The following FRMPD4 variants were observed in gnomAD, a reference collection of about 807,000 sequenced individuals.
FRMPD4 encodes the protein FERM and PDZ domain containing 4, also known as FERM and PDZ domain-containing protein 4.
Under a neutral mutation model 94.1 loss-of-function variants are expected in FRMPD4, and 22 were observed. That is an observed-to-expected ratio of 0.23 (90% confidence interval 0.17 to 0.33). The LOEUF is 0.33. FRMPD4 is among the 10% of genes least tolerant of loss of function. The pLI is 1.00. For missense variants in FRMPD4, 1,111 were observed against 1,339.9 expected (o/e 0.83, Z 2.67); for synonymous variants, 631 against 548.6 (o/e 1.15, Z -2.10).
At chrX:12,594,084 C>A (rs1298282717) in intron 2 of FRMPD4, among the ~76,000 whole-genome samples, 1 of 110,074 alleles carries the variant, frequency 9.1e-6, no homozygotes, top group Non-Finnish European at 1.9e-5. Flanking sequence ...TCTACAAGTT[C>A]TTTATTGTGT....
intron 3 of FRMPD4, among the ~76,000 whole-genome samples, chrX:12,014,277 G>A (rs187434126): frequency 1.8e-5 from 2 of 112,200 alleles, no homozygotes; most frequent in African/African-American, 6.5e-5. Flanking sequence ...AAACAAGAGA[G>A]AAGACAACTG....
intron 1 of FRMPD4, among the ~76,000 whole-genome samples, chrX:12,321,695 T>G (rs898196673): frequency 8.9e-6 from 1 of 112,097 alleles, no homozygotes; most frequent in African/African-American, 3.2e-5. Flanking sequence ...AATTAAGATT[T>G]TATCATTACC....
chrX:12,481,942 CAAAAAAA>C (rs56366427), intron 1 of FRMPD4, among the ~76,000 whole-genome samples: 20 of 11,581 alleles, frequency 1.7e-3, no homozygotes, highest in South Asian at 0.022. Context: ...GACTACATCT[CAAAAAAA>C]AAAAAAAAAA....
intron 3 of FRMPD4, among the ~76,000 whole-genome samples, chrX:12,123,708 A>G (rs144813468): frequency 0.03 from 3,370 of 111,540 alleles, 62 homozygotes; most frequent in African/African-American, 0.06. Flanking sequence ...TACCAATTAG[A>G]GTCCAGTAGC....
chrX:12,048,154 C>T (rs1003204411), intron 3 of FRMPD4, among the ~76,000 whole-genome samples: 1 of 112,616 alleles, frequency 8.9e-6, no homozygotes, highest in Non-Finnish European at 1.9e-5. Flanking sequence ...ACAGCCTCAC[C>T]AGCATCTGTT....
At chrX:12,108,453 C>A (rs1489270941) in intron 3 of FRMPD4, among the ~76,000 whole-genome samples, 1 of 112,274 alleles carries the variant, frequency 8.9e-6, no homozygotes, top group East Asian at 2.8e-4. Flanking sequence ...CAACCAGTAC[C>A]AGCCACTGCA....
intron 1 of FRMPD4, among the ~76,000 whole-genome samples, chrX:12,299,936 T>C (rs1402855122): frequency 3.6e-5 from 4 of 112,190 alleles, no homozygotes; most frequent in Non-Finnish European, 7.5e-5. Flanking sequence ...ATAATCAAGA[T>C]AGACCTGGAA....
intron 3 of FRMPD4, among the ~76,000 whole-genome samples, chrX:12,043,213 A>G (rs1282139897): frequency 1.8e-5 from 2 of 111,946 alleles, no homozygotes; most frequent in African/African-American, 6.5e-5. Flanking sequence ...TCATACATTG[A>G]AAGCCCTATG....
intron 3 of FRMPD4, among the ~76,000 whole-genome samples, chrX:12,066,319 G>T (rs2054919891): frequency 8.9e-6 from 1 of 111,733 alleles, no homozygotes; most frequent in African/African-American, 3.3e-5. Context: ...AGATTTGAAG[G>T]GGTGTTACCT....
chrX:12,107,789 A>G lies in FRMPD4; in HGVS notation c.95+229771A>G, dbSNP rs181967891. 5.2e-3 allele frequency among the ~76,000 whole-genome samples: 588 copies of G among 112,153 alleles called. 5 individuals are homozygous for G. Among genetic ancestry groups the G allele is most frequent in the African/African-American group, 0.018 (560 of 30,832 alleles). On this transcript the variant is annotated intron_variant, in intron 3 of 18. Coordinates refer to the FRMPD4 transcript ENST00000640291. ...ATGTGACGAATGCACAAGCTTCAGT[A>G]GCCAATTTGATCAACTGGAAGAAAG...
At position 12,340,416 on chromosome X, in the gene FRMPD4, T is replaced by G. The variant is rs1323156193; in HGVS notation, c.42-158264T>G. Among the ~76,000 whole-genome samples, 3 of 111,921 alleles carry G rather than the reference T, an allele frequency of 2.7e-5. No individual in the cohort carries two copies. In the East Asian group the frequency reaches 8.4e-4, roughly 31 times the overall value. On this transcript the variant is annotated intron_variant, in intron 1 of 16. Coordinates refer to ENST00000675598, the MANE Select transcript of FRMPD4 (RefSeq NM_001368397.1). Reference sequence around the variant, plus strand: ...CAGCCTAGGAAGAGTGAATGTTGGTTCCTATTTTGGGGGAAACTGATTAGT... The same window carrying G: ...CAGCCTAGGAAGAGTGAATGTTGGTGCCTATTTTGGGGGAAACTGATTAGT...
At chrX:11,926,330 G>T (rs1211702325) in intron 3 of FRMPD4, among the ~76,000 whole-genome samples, 2 of 93,687 alleles carry the variant, frequency 2.1e-5, no homozygotes, top group African/African-American at 8.6e-5. Context: ...GATGTACAAA[G>T]ACGAGCTGGT....
At chrX:11,921,756 T>A (rs2054057826) in intron 3 of FRMPD4, among the ~76,000 whole-genome samples, 1 of 112,459 alleles carries the variant, frequency 8.9e-6, no homozygotes, top group African/African-American at 3.2e-5. Flanking sequence ...ATATGAACTA[T>A]AAATAAACTT....
intron 1 of FRMPD4, among the ~76,000 whole-genome samples, chrX:12,421,404 C>T (rs867357458): frequency 9.6e-6 from 1 of 104,158 alleles, no homozygotes; most frequent in African/African-American, 3.6e-5. Context: ...ATGCTCACGT[C>T]TCAAAAACTA....
intron 3 of FRMPD4, among the ~76,000 whole-genome samples, chrX:12,082,391 A>T (rs1418186945): frequency 1.8e-5 from 2 of 112,050 alleles, no homozygotes; most frequent in Non-Finnish European, 3.8e-5. Flanking sequence ...CCATGTAAGA[A>T]GTGCCTTTTG....
chrX:11,969,353 G>A (rs1325306766), intron 3 of FRMPD4, among the ~76,000 whole-genome samples: 1 of 112,382 alleles, frequency 8.9e-6, no homozygotes, highest in East Asian at 2.8e-4. Context: ...CACAAATTCT[G>A]CTGTGGAGGA....
chrX:12,117,341 T>C (rs1383697351), intron 3 of FRMPD4, among the ~76,000 whole-genome samples: 1 of 111,281 alleles, frequency 9.0e-6, no homozygotes, highest in Non-Finnish European at 1.9e-5. Context: ...TTTGGTTCCA[T>C]GGATATGTTC....
intron 4 of FRMPD4, among the ~76,000 whole-genome samples, chrX:12,626,523 G>C (rs1227891440): frequency 9.6e-6 from 1 of 104,309 alleles, no homozygotes; most frequent in Non-Finnish European, 2.0e-5. Flanking sequence ...TCCAAAGTGG[G>C]CCAAGTCTAA....
At chrX:12,454,393 TCTTCTAA>T (rs1188034191) in intron 1 of FRMPD4, among the ~76,000 whole-genome samples, 1 of 112,120 alleles carries the variant, frequency 8.9e-6, no homozygotes, top group Non-Finnish European at 1.9e-5. Context: ...CTCTATAATC[TCTTCTAA>T]AAGTCATGTG....
Sources: allele counts gnomAD v4.1 joint callset (sites outside exome capture counted in the v4.1 genomes callset), GRCh38; gene constraint gnomAD v4.1.1; transcripts MANE v1.5; gene names NCBI Gene and HGNC (gene_info 2026-07-23, HGNC 2026-07-21).